ADCYAP1R1: variants seen among roughly 807,000 people sequenced by gnomAD.
The protein encoded by ADCYAP1R1 is pituitary adenylate cyclase-activating polypeptide type I receptor.
ADCYAP1R1 carries 44 observed loss-of-function variants against 67.6 expected under a neutral mutation model. The observed-to-expected ratio is 0.65, with a 90% CI of 0.51 to 0.84. The LOEUF is 0.84. Ranked by LOEUF, ADCYAP1R1 falls within the 40% of genes least tolerant of loss-of-function variation. The pLI is 0.00. For synonymous variants in ADCYAP1R1, 222 were observed against 219.6 expected (o/e 1.01, Z -0.10); for missense variants, 477 against 587.9 (o/e 0.81, Z 1.95).
chr7:31,072,301 G>C (rs1795024700), intron 3 of ADCYAP1R1, among the ~76,000 whole-genome samples: 1 of 152,108 alleles, frequency 6.6e-6, no homozygotes, highest in South Asian at 2.1e-4. Context: ...GGCCTTCAAG[G>C]GTGGTCCAGA....
At chr7:31,097,814 T>TG (rs3216474) in intron 13 of ADCYAP1R1, among the ~76,000 whole-genome samples, 7,767 of 150,528 alleles carry the variant, frequency 0.052, 593 homozygotes, top group African/African-American at 0.17. Flanking sequence ...CAGATACAGT[T>TG]GGGGGGGGGT....
intron 3 of ADCYAP1R1, among the ~76,000 whole-genome samples, chr7:31,066,643 C>T (rs1421239387): frequency 6.6e-6 from 1 of 151,826 alleles, no homozygotes; most frequent in South Asian, 2.1e-4. Context: ...GGGGAACTTT[C>T]AGAAAAACGT....
chr7:31,100,349 G>T (rs1288658908), intron 13 of ADCYAP1R1: 2 of 524,128 alleles, frequency 3.8e-6, no homozygotes, highest in African/African-American at 3.9e-5. Context: ...TTGCATGTTG[G>T]TGTCTGTGTG....
At chr7:31,092,962 G>C (rs939452663) in intron 13 of ADCYAP1R1, among the ~76,000 whole-genome samples, 1 of 152,196 alleles carries the variant, frequency 6.6e-6, no homozygotes, top group Non-Finnish European at 1.5e-5. Context: ...CAGGAAGAGA[G>C]AGAGAGAGAG....
chr7:31,087,476 C>A, intron 11 of ADCYAP1R1, 151 bp from the exon 12 acceptor site: 1 of 685,846 alleles, frequency 1.5e-6, no homozygotes, highest in Non-Finnish European at 2.6e-6. Flanking sequence ...GAGTCTGTAG[C>A]CCGCTGGAGA....
intron 13 of ADCYAP1R1, among the ~76,000 whole-genome samples, chr7:31,093,814 G>A (rs933604275): frequency 2.6e-5 from 4 of 152,036 alleles, no homozygotes; most frequent in Non-Finnish European, 4.4e-5. Context: ...GCATCTACTG[G>A]CTGCCCAGTA....
rs1191746456 is a variant in ADCYAP1R1, at chr7:31,078,000, G to T, written c.167G>T (p.Gly56Val). The T allele has an allele frequency of 6.2e-7, 1 of 1,610,036 alleles. No individual in the cohort carries two copies. Among genetic ancestry groups the T allele is most frequent in the Non-Finnish European group, 8.5e-7 (1 of 1,177,874 alleles). The change falls in exon 4 of 16, where the codon GGG becomes GTG. Residue 56 changes from glycine to valine, a missense_variant. Gly to Val is a moderately radical substitution (Grantham distance 109). Coordinates refer to ENST00000304166, the MANE Select transcript of ADCYAP1R1 (RefSeq NM_001118.5). The stretch of plus-strand genomic sequence containing the variant: ...GCTGTCTTACCCACAGGCTGTCCTG[G>T]GATGTGGGACAACATCACGTGTTGG... Reference protein sequence around the residue: ...GFNDSSPGCPGMWDNITCWKP... With the variant: ...GFNDSSPGCPVMWDNITCWKP...
intron 3 of ADCYAP1R1, 56 bp downstream of exon 3, chr7:31,064,992 T>G (rs1794676644): frequency 2.2e-6 from 3 of 1,387,712 alleles, no homozygotes; most frequent in Non-Finnish European, 3.0e-6. Flanking sequence ...TTAGAACTGT[T>G]TTCCTGTGCT....
chr7:31,064,454 T>C (rs1289025467), intron 2 of ADCYAP1R1, among the ~76,000 whole-genome samples: 1 of 152,124 alleles, frequency 6.6e-6, no homozygotes, highest in Non-Finnish European at 1.5e-5. Flanking sequence ...ATCAGTAAAA[T>C]GGAAAATGAT....
Position 31,108,721 on chromosome 7 carries a change from C to G in ADCYAP1R1, c.*2037C>G, listed in dbSNP as rs1275294092. The G allele has an allele frequency of 6.6e-6, 1 of 150,878 alleles. No homozygotes were observed. The highest frequency in any genetic ancestry group is 2.0e-4 in the East Asian group (1 of 5,100). 9.3% of individuals were successfully genotyped at this position (150,878 alleles called of 1,614,324 possible). A position where few individuals can be genotyped will look rare whatever the true frequency, so the allele number is the denominator to read the frequency against. On this transcript the variant is annotated 3_prime_UTR_variant, in exon 16 of 16. Coordinates refer to ENST00000304166, the MANE Select transcript of ADCYAP1R1 (RefSeq NM_001118.5). ...AGGTAAAAGGGCATTCATCATTGTG[C>G]CTCATATCAGGTTTTGATGAATATA...
chr7:31,108,844 A>G lies in ADCYAP1R1; in HGVS notation c.*2160A>G, dbSNP rs1796748268. 1 of 151,728 alleles carries G rather than the reference A, an allele frequency of 6.6e-6. No homozygotes were observed. Among genetic ancestry groups the G allele is most frequent in the Admixed American group, 6.6e-5 (1 of 15,214 alleles). 9.4% of individuals were successfully genotyped at this position (151,728 alleles called of 1,614,324 possible). A position where few individuals can be genotyped will look rare whatever the true frequency, so the allele number is the denominator to read the frequency against. On this transcript the variant is annotated 3_prime_UTR_variant, in exon 16 of 16. Coordinates refer to ENST00000304166, the MANE Select transcript of ADCYAP1R1 (RefSeq NM_001118.5). Reference sequence around the variant, plus strand: ...TGGAAATGGACCTTCTGTCCCTTCCATTTGGACACCACAGTGGAAGCTGGT... The same window carrying G: ...TGGAAATGGACCTTCTGTCCCTTCCGTTTGGACACCACAGTGGAAGCTGGT...
intron 1 of ADCYAP1R1, among the ~76,000 whole-genome samples, chr7:31,061,172 G>A (rs1204781404): frequency 6.6e-6 from 1 of 152,228 alleles, no homozygotes; most frequent in Non-Finnish European, 1.5e-5. Flanking sequence ...GTCGCGGAAG[G>A]TGCAGGGAAT....
chr7:31,096,004 G>A (rs1466202424), intron 13 of ADCYAP1R1, among the ~76,000 whole-genome samples: 1 of 152,184 alleles, frequency 6.6e-6, no homozygotes, highest in Non-Finnish European at 1.5e-5. Context: ...TGGGGCAGGG[G>A]TGAGGGGGGT....
intron 3 of ADCYAP1R1, among the ~76,000 whole-genome samples, chr7:31,070,594 C>T (rs1319130047): frequency 6.6e-6 from 1 of 152,206 alleles, no homozygotes; most frequent in Non-Finnish European, 1.5e-5. Flanking sequence ...TTGTCTGGGC[C>T]TCTCAGCTGC....
Position 31,110,889 on chromosome 7 carries a change from G to A in ADCYAP1R1, c.*4205G>A, listed in dbSNP as rs933227549. The A allele has an allele frequency of 1.3e-5, 2 of 152,352 alleles. No homozygotes were observed. The highest frequency in any genetic ancestry group is 3.9e-4 in the East Asian group (2 of 5,184). The allele number at this position is 152,352 out of a possible 1,614,324, so 9.4% of individuals were successfully genotyped here. A position where few individuals can be genotyped will look rare whatever the true frequency, so the allele number is the denominator to read the frequency against. ...TTGGAAATTACACAGATGTGGGCTT[G>A]TTATTGGGATGAAGACTGCTGGAAG... On this transcript the variant is annotated 3_prime_UTR_variant, in exon 16 of 16. Coordinates refer to ENST00000304166, the MANE Select transcript of ADCYAP1R1 (RefSeq NM_001118.5).
intron 13 of ADCYAP1R1, among the ~76,000 whole-genome samples, chr7:31,095,410 C>T (rs1796147504): frequency 6.6e-6 from 1 of 152,240 alleles, no homozygotes; most frequent in African/African-American, 2.4e-5. Flanking sequence ...AGAAGAGGCC[C>T]CTGGTGGGTT....
At chr7:31,103,430 A>C (rs751967541) in intron 14 of ADCYAP1R1, 64 bp downstream of exon 14, 64 of 1,608,716 alleles carry the variant, frequency 4.0e-5, no homozygotes, top group Non-Finnish European at 5.1e-5. Context: ...CTCACCTGCA[A>C]GTGGTGCTGG....
chr7:31,054,204 A>G (rs1374189898), intron 1 of ADCYAP1R1, among the ~76,000 whole-genome samples: 1 of 152,110 alleles, frequency 6.6e-6, no homozygotes, highest in African/African-American at 2.4e-5. Context: ...GTGTGGGGTG[A>G]CGATGGAGGC....
intron 15 of ADCYAP1R1, among the ~76,000 whole-genome samples, chr7:31,106,233 G>A (rs1268807888): frequency 6.6e-6 from 1 of 152,232 alleles, no homozygotes; most frequent in Non-Finnish European, 1.5e-5. Context: ...TGCCTGGCCT[G>A]AAAACAACAG....
Sources: gnomAD v4.1 joint callset for allele counts (sites outside exome capture counted in the v4.1 genomes callset) on GRCh38, gnomAD v4.1.1 for gene constraint, MANE v1.5 for transcripts, NCBI Gene and HGNC (gene_info 2026-07-23, HGNC 2026-07-21) for gene names.